Variants in ECHDC1 observed in about 807,000 individuals in gnomAD.
ECHDC1 encodes the protein ethylmalonyl-CoA decarboxylase.
Under a neutral mutation model 29.7 loss-of-function variants are expected in ECHDC1, and 29 were observed. That is an observed-to-expected ratio of 0.98 (90% CI 0.73 to 1.33). The LOEUF is 1.33. ECHDC1 is among the 40% of genes most tolerant of loss of function. The probability of loss-of-function intolerance (pLI) is 0.00; values close to 1 mark genes in which losing one functional copy is unlikely to be tolerated. For missense variants in ECHDC1, 328 were observed against 350.0 expected, an observed-to-expected ratio of 0.94 and a Z score of 0.50; for synonymous variants, 126 against 123.1, an observed-to-expected ratio of 1.02 and a Z score of -0.15.
intron 5 of ECHDC1, among the ~76,000 whole-genome samples, chr6:127,297,806 T>C (rs904790198): frequency 6.6e-6 from 1 of 152,172 alleles, no homozygotes. Flanking sequence ...GGGGAGTTTC[T>C]TATAAAAGCT....
Position 127,289,810 on chromosome 6 carries a change from A to C in ECHDC1, c.*59T>G. The C allele has an allele frequency of 6.9e-7, 1 of 1,450,044 alleles. No individual in the cohort carries two copies. The highest frequency in any genetic ancestry group is 9.3e-7 in the Non-Finnish European group (1 of 1,076,990). The allele number at this position is 1,450,044 out of a possible 1,614,324, so 89.8% of individuals were successfully genotyped here. A position where few individuals can be genotyped will look rare whatever the true frequency, so the allele number is the denominator to read the frequency against. On this transcript the variant is annotated 3_prime_UTR_variant, in exon 6 of 6. Transcript: ENST00000454859. The stretch of plus-strand genomic sequence containing the variant: ...TGATGTTCATATTTAATATCATTTA[A>C]CATTTATACATATTAGTCACTGGAG...
At chr6:127,332,752 C>A (rs1203944878) in intron 1 of ECHDC1, among the ~76,000 whole-genome samples, 1 of 152,012 alleles carries the variant, frequency 6.6e-6, no homozygotes, top group African/African-American at 2.4e-5. Flanking sequence ...ATCAGATGTG[C>A]ATTTGTCTGA....
intron 5 of ECHDC1, among the ~76,000 whole-genome samples, chr6:127,306,715 G>A (rs1423799149): frequency 6.6e-6 from 1 of 152,080 alleles, no homozygotes; most frequent in Non-Finnish European, 1.5e-5. Flanking sequence ...CCCAGTCTCA[G>A]GTAGTTCTTT....
At chr6:127,323,269 C>A (rs991076108) in intron 3 of ECHDC1, among the ~76,000 whole-genome samples, 1 of 151,798 alleles carries the variant, frequency 6.6e-6, no homozygotes, top group African/African-American at 2.4e-5. Flanking sequence ...GATACTCAAC[C>A]CGTATAATCA....
chr6:127,336,465 T>A (rs529902541), intron 1 of ECHDC1, among the ~76,000 whole-genome samples: 1 of 152,312 alleles, frequency 6.6e-6, no homozygotes, highest in South Asian at 2.1e-4. Context: ...TTCAAAGACC[T>A]ATTTCCCTGC....
chr6:127,322,363 T>C (rs932859878), intron 3 of ECHDC1, among the ~76,000 whole-genome samples: 1 of 152,182 alleles, frequency 6.6e-6, no homozygotes, highest in Non-Finnish European at 1.5e-5. Context: ...GTTCTAGGCA[T>C]ACTCATTGTA....
Position 127,326,293 on chromosome 6 carries a change from TA to T in ECHDC1, c.363+708del, listed in dbSNP as rs1783327123. Among the ~76,000 whole-genome samples the T allele has an allele frequency of 3.9e-5, 6 of 152,314 alleles. No homozygotes were observed. In the South Asian group the frequency reaches 1.2e-3, roughly 32 times the overall value. Reference sequence around the variant, plus strand: ...TCCCCGCCCTCTGGCTCCACCATGGTAAGATGTGCTTGCTTCACCTTTGCCT... The same window carrying T: ...TCCCCGCCCTCTGGCTCCACCATGGTAGATGTGCTTGCTTCACCTTTGCCT... On this transcript the variant is annotated intron_variant, in intron 3 of 5. Coordinates refer to ENST00000454859, the MANE Select transcript of ECHDC1 (RefSeq NM_001002030.2).
At chr6:127,292,047 C>T (rs1780240445) in intron 5 of ECHDC1, among the ~76,000 whole-genome samples, 1 of 151,938 alleles carries the variant, frequency 6.6e-6, no homozygotes, top group South Asian at 2.1e-4. Context: ...GTCTAATATT[C>T]TTAGAAATAG....
intron 5 of ECHDC1, among the ~76,000 whole-genome samples, chr6:127,300,636 TC>T (rs1780985662): frequency 6.6e-6 from 1 of 152,038 alleles, no homozygotes; most frequent in South Asian, 2.1e-4. Flanking sequence ...CAAAGACTCA[TC>T]CCCCATCTGG....
chr6:127,301,260 A>C (rs1221785243), intron 5 of ECHDC1, among the ~76,000 whole-genome samples: 2 of 152,148 alleles, frequency 1.3e-5, no homozygotes, highest in Non-Finnish European at 2.9e-5. Context: ...TGGTGCTCAC[A>C]GGGTTTTGCG....
chr6:127,303,974 C>A (rs1345554084), intron 5 of ECHDC1, among the ~76,000 whole-genome samples: 1 of 152,160 alleles, frequency 6.6e-6, no homozygotes, highest in East Asian at 1.9e-4. Flanking sequence ...GAAATCACCA[C>A]CCTGCAGGGA....
chr6:127,307,844 T>C (rs1482553323), intron 5 of ECHDC1, among the ~76,000 whole-genome samples: 1 of 151,252 alleles, frequency 6.6e-6, no homozygotes, highest in East Asian at 1.9e-4. Flanking sequence ...ATTCAAGGAT[T>C]ATTAGTGGCT....
intron 3 of ECHDC1, chr6:127,317,890 C>T (rs2114629974): frequency 6.6e-6 from 1 of 152,318 alleles, no homozygotes; most frequent in South Asian, 2.1e-4. Context: ...TGCTTTCTCC[C>T]ACCCAAGGAC....
chr6:127,333,445 T>G (rs185232484), intron 1 of ECHDC1, among the ~76,000 whole-genome samples: 36 of 152,256 alleles, frequency 2.4e-4, no homozygotes, highest in African/African-American at 8.7e-4. Flanking sequence ...TTGGCATGAC[T>G]ATAGAGTAGT....
chr6:127,303,868 G>C (rs1008648777), intron 5 of ECHDC1, among the ~76,000 whole-genome samples: 3 of 152,216 alleles, frequency 2.0e-5, no homozygotes, highest in Non-Finnish European at 4.4e-5. Flanking sequence ...CTGAGTTACA[G>C]CTCAGACAAG....
chr6:127,307,994 G>A (rs553209331), intron 5 of ECHDC1, among the ~76,000 whole-genome samples: 3 of 152,186 alleles, frequency 2.0e-5, no homozygotes, highest in African/African-American at 2.4e-5. Flanking sequence ...GATTGAAGAT[G>A]TAATAAAAAG....
intron 5 of ECHDC1, among the ~76,000 whole-genome samples, chr6:127,296,449 T>A (rs1400272439): frequency 6.6e-6 from 1 of 152,052 alleles, no homozygotes; most frequent in Non-Finnish European, 1.5e-5. Context: ...TGCCTCGGCC[T>A]CCCACAGTGG....
intron 5 of ECHDC1, among the ~76,000 whole-genome samples, chr6:127,314,607 A>C (rs1288905431): frequency 6.6e-6 from 1 of 152,092 alleles, no homozygotes; most frequent in African/African-American, 2.4e-5. Flanking sequence ...GTGTTTTGTT[A>C]ATTTTTTGAA....
chr6:127,292,122 G>C (rs1485010868), intron 5 of ECHDC1, among the ~76,000 whole-genome samples: 2 of 151,982 alleles, frequency 1.3e-5, no homozygotes, highest in Non-Finnish European at 2.9e-5. Flanking sequence ...ATATGTAACT[G>C]TTCTGAATTG....
Sources: allele counts gnomAD v4.1 joint callset (sites outside exome capture counted in the v4.1 genomes callset), GRCh38; gene constraint gnomAD v4.1.1; transcripts MANE v1.5; gene names NCBI Gene and HGNC (gene_info 2026-07-23, HGNC 2026-07-21).